The following DNAAF11 variants were observed in gnomAD, a reference collection of about 807,000 sequenced individuals.
The protein encoded by DNAAF11 is leucine rich repeat containing 6.
Under a neutral mutation model 60.8 loss-of-function variants are expected in DNAAF11, and 45 were observed. The ratio of observed to expected loss-of-function variants is 0.74; its 90% confidence interval spans 0.58 to 0.95. The LOEUF is 0.95. DNAAF11 is among the 40% of genes least tolerant of loss of function. The pLI, the probability that DNAAF11 is intolerant of heterozygous loss-of-function variation, is 0.00. For missense variants in DNAAF11, 546 were observed against 546.2 expected, an observed-to-expected ratio of 1.00 and a Z score of 0.00; for synonymous variants, 191 against 183.5, an observed-to-expected ratio of 1.04 and a Z score of -0.33.
chr8:132,603,461 A>G (rs1323988361), intron 10 of DNAAF11, among the ~76,000 whole-genome samples: 1 of 152,154 alleles, frequency 6.6e-6, no homozygotes, highest in Non-Finnish European at 1.5e-5. Context: ...CAAGTGAGCA[A>G]GGATTTAAAT....
intron 11 of DNAAF11, among the ~76,000 whole-genome samples, chr8:132,574,889 A>G (rs1213467483): frequency 6.6e-6 from 1 of 152,214 alleles, no homozygotes; most frequent in African/African-American, 2.4e-5. Flanking sequence ...TGGTATTAAC[A>G]TCACCCATAC....
intron 3 of DNAAF11, among the ~76,000 whole-genome samples, chr8:132,641,898 TGGA>T (rs1173405218): frequency 2.6e-5 from 4 of 152,078 alleles, no homozygotes; most frequent in African/African-American, 4.8e-5. Flanking sequence ...GATCACAGCA[TGGA>T]GGAGGAGAGC....
At chr8:132,693,470 TGC>T in the DNAAF11 span, among the ~76,000 whole-genome samples, 51 of 144,212 alleles carry the variant, frequency 3.5e-4, no homozygotes, top group South Asian at 9.9e-3. Flanking sequence ...TGTGTGTGTG[TGC>T]GTGTGTATAT....
intron 1 of DNAAF11, among the ~76,000 whole-genome samples, chr8:132,673,221 C>G (rs1825356740): frequency 6.6e-6 from 1 of 152,176 alleles, no homozygotes; most frequent in African/African-American, 2.4e-5. Context: ...GTTCTGTTCC[C>G]AGCCCTGATA....
chr8:132,647,035 A>G (rs563415923), intron 3 of DNAAF11, among the ~76,000 whole-genome samples: 1 of 152,240 alleles, frequency 6.6e-6, no homozygotes, highest in Admixed American at 6.5e-5. Context: ...AATCGACAGA[A>G]TATACATTCT....
intron 2 of DNAAF11, among the ~76,000 whole-genome samples, chr8:132,658,868 C>G (rs1045119388): frequency 6.6e-6 from 1 of 152,034 alleles, no homozygotes; most frequent in Non-Finnish European, 1.5e-5. Flanking sequence ...AACTTGGACA[C>G]AGCGGGTTAA....
At chr8:132,676,497 A>G (rs1187942580), upstream of DNAAF11, among the ~76,000 whole-genome samples, 2 of 152,248 alleles carry the variant, frequency 1.3e-5, no homozygotes, top group African/African-American at 4.8e-5. Flanking sequence ...TTTAAACAGT[A>G]TGGAGTGCGT....
intron 3 of DNAAF11, chr8:132,643,473 A>G: frequency 1.1e-5 from 4 of 352,102 alleles, no homozygotes; most frequent in Non-Finnish European, 2.3e-5. Context: ...TAGATGTGGG[A>G]GAGTTGGGGA....
At chr8:132,696,103 A>G in the DNAAF11 span, among the ~76,000 whole-genome samples, 3 of 152,338 alleles carry the variant, frequency 2.0e-5, no homozygotes, top group African/African-American at 7.2e-5. Context: ...CTGTGAGTGC[A>G]TATGCCTAAC....
chr8:132,572,104 G>C lies in DNAAF11; in HGVS notation c.*202C>G. ...TACCAACCCTTTATTATAGGTAAAT[G>C]ATGAGTTATAGCATTTAAGACATAC... On this transcript the variant is annotated 3_prime_UTR_variant, in exon 12 of 12. Coordinates refer to ENST00000620350, the MANE Select transcript of DNAAF11 (RefSeq NM_012472.6). The C allele has an allele frequency of 2.3e-6, 1 of 425,674 alleles. No homozygotes were observed. The highest frequency in any genetic ancestry group is 4.2e-6 in the Non-Finnish European group (1 of 239,244). The allele number at this position is 425,674 out of a possible 1,614,324, so 26.4% of individuals were successfully genotyped here. A position where few individuals can be genotyped will look rare whatever the true frequency, so the allele number is the denominator to read the frequency against.
At position 132,589,905 on chromosome 8, in the gene DNAAF11, T is replaced by C. The variant is rs1020516202; in HGVS notation, c.1141-6126A>G. On this transcript the variant is annotated intron_variant, in intron 10 of 11. Coordinates refer to ENST00000620350, the MANE Select transcript of DNAAF11 (RefSeq NM_012472.6). ...ACAAGTGCCCCAGAGTGGAAGATCA[T>C]GAAAGTTAACATGAAGGTTAAGGGG... 2.6e-5 allele frequency among the ~76,000 whole-genome samples: 4 copies of C among 152,200 alleles called. No individual in the cohort carries two copies. The East Asian group carries it at 7.7e-4, about 29-fold the overall frequency.
chr8:132,601,522 C>T (rs1817618338), intron 10 of DNAAF11, among the ~76,000 whole-genome samples: 1 of 152,094 alleles, frequency 6.6e-6, no homozygotes, highest in Non-Finnish European at 1.5e-5. Flanking sequence ...TGGAACCAAC[C>T]CAAATATCCA....
chr8:132,638,363 CACTT>C (rs1386852966), intron 3 of DNAAF11, among the ~76,000 whole-genome samples: 3 of 152,110 alleles, frequency 2.0e-5, no homozygotes, highest in African/African-American at 4.8e-5. Context: ...TCCCTGCTCA[CACTT>C]ACAAGGCTGG....
chr8:132,606,911 A>C (rs536040843), intron 10 of DNAAF11, among the ~76,000 whole-genome samples: 1 of 152,360 alleles, frequency 6.6e-6, no homozygotes, highest in Non-Finnish European at 1.5e-5. Flanking sequence ...GTGTTATAAG[A>C]GTCAAAACTT....
intron 7 of DNAAF11, among the ~76,000 whole-genome samples, chr8:132,619,855 G>C (rs1277740420): frequency 1.3e-5 from 2 of 152,188 alleles, no homozygotes; most frequent in African/African-American, 4.8e-5. Context: ...ATGGAGTCAG[G>C]GTGCTTACAC....
chr8:132,596,896 G>A (rs1188994703), intron 10 of DNAAF11, among the ~76,000 whole-genome samples: 3 of 152,198 alleles, frequency 2.0e-5, no homozygotes, highest in African/African-American at 7.2e-5. Flanking sequence ...AGCTGTGCAG[G>A]GAATTGCCAC....
rs1318032117 is a variant in DNAAF11, at chr8:132,570,681, G to A, written c.*1625C>T. ...CTCAGTCATTGCCATCAGTCGCAGT[G>A]ATGGACAGATGCAGAGGGACCCAGC... On this transcript the variant is annotated 3_prime_UTR_variant, in exon 12 of 12. Transcript: ENST00000620350. 6.6e-6 allele frequency among the ~76,000 whole-genome samples: 1 copy of A among 152,188 alleles called. No individual in the cohort carries two copies. The highest frequency in any genetic ancestry group is 6.5e-5 in the Admixed American group (1 of 15,286).
chr8:132,628,612 GT>G (rs1170569303), intron 5 of DNAAF11, among the ~76,000 whole-genome samples: 1 of 152,068 alleles, frequency 6.6e-6, no homozygotes, highest in African/African-American at 2.4e-5. Context: ...TCTCTGTAGT[GT>G]TTCTTCTTGA....
chr8:132,687,512 T>G, the DNAAF11 span: 58 of 426,394 alleles, frequency 1.4e-4, no homozygotes, highest in Non-Finnish European at 2.4e-4. Flanking sequence ...TTGCCTCATC[T>G]CATCGCTTCA....
Sources: gnomAD v4.1 joint callset for allele counts (sites outside exome capture counted in the v4.1 genomes callset) on GRCh38, gnomAD v4.1.1 for gene constraint, MANE v1.5 for transcripts, NCBI Gene and HGNC (gene_info 2026-07-23, HGNC 2026-07-21) for gene names.